The following RGS22 variants were observed in gnomAD, a reference collection of about 807,000 sequenced individuals.
RGS22 encodes the protein regulator of G protein signaling 22, also known as regulator of G-protein signaling 22.
A neutral mutation model predicts 172.9 loss-of-function variants in RGS22; 148 were observed. The observed-to-expected ratio is 0.86, with a 90% CI of 0.75 to 0.98. RGS22 has a LOEUF of 0.98. Ranked by LOEUF, RGS22 falls within the 50% of genes least tolerant of loss-of-function variation. The pLI, the probability that RGS22 is intolerant of heterozygous loss-of-function variation, is 0.00. For synonymous variants in RGS22, 458 were observed against 480.2 expected, an observed-to-expected ratio of 0.95 and a Z score of 0.60; for missense variants, 1,347 against 1,440.8, an observed-to-expected ratio of 0.93 and a Z score of 1.05.
chr8:99,965,254 C>G, intron 24 of RGS22, 81 bp downstream of exon 24: 1 of 876,060 alleles, frequency 1.1e-6, no homozygotes. Context: ...ATTTCTAGTA[C>G]TGTACAATGA....
intron 23 of RGS22, among the ~76,000 whole-genome samples, chr8:99,972,592 G>C (rs1195949328): frequency 6.6e-6 from 1 of 152,064 alleles, no homozygotes; most frequent in East Asian, 1.9e-4. Flanking sequence ...GTGGGCAAAG[G>C]ATATGAACAG....
rs546304724 is a variant in RGS22 at position 100,010,825 on chromosome 8, A to G, written c.2167-2256T>C. On this transcript the variant is annotated intron_variant, in intron 14 of 27. Coordinates refer to ENST00000360863, the MANE Select transcript of RGS22 (RefSeq NM_015668.5). The stretch of plus-strand genomic sequence containing the variant: ...AGATAATTCTTTTTTTTTTTTTTTT[A>G]AAGAGATGGGGTCTTGCTATGTTGC... Among the ~76,000 whole-genome samples, 748 of 147,428 alleles carry G rather than the reference A, an allele frequency of 5.1e-3. 4 individuals carry two copies. Among genetic ancestry groups the G allele is most frequent in the Middle Eastern group, 0.034 (10 of 294 alleles).
chr8:99,962,582 C>A, intron 26 of RGS22, 105 bp downstream of exon 26: 1 of 1,363,568 alleles, frequency 7.3e-7, no homozygotes, highest in South Asian at 1.3e-5. Context: ...GTGGAGGGGT[C>A]GGTCCTCACC....
intron 14 of RGS22, among the ~76,000 whole-genome samples, chr8:100,037,468 G>T (rs1008930018): frequency 6.6e-6 from 1 of 152,066 alleles, no homozygotes; most frequent in African/African-American, 2.4e-5. Flanking sequence ...ATCCAAAAGA[G>T]AACCTAGGAG....
At chr8:100,083,038 G>A (rs1186995842) in intron 3 of RGS22, among the ~76,000 whole-genome samples, 2 of 152,280 alleles carry the variant, frequency 1.3e-5, no homozygotes, top group East Asian at 1.9e-4. Context: ...TAACAAGTAC[G>A]GGCTTTATCT....
intron 15 of RGS22, among the ~76,000 whole-genome samples, chr8:100,006,528 A>G (rs1417997737): frequency 1.3e-5 from 2 of 152,178 alleles, no homozygotes; most frequent in Non-Finnish European, 2.9e-5. Context: ...TTAATGCTGT[A>G]GTAAGAGAGG....
At chr8:100,012,978 ATTTTTTTTTTT>A (rs35339430) in intron 14 of RGS22, among the ~76,000 whole-genome samples, 1 of 88,744 alleles carries the variant, frequency 1.1e-5, no homozygotes, top group African/African-American at 4.4e-5. Context: ...AACGCCTTTG[ATTTTTTTTTTT>A]TTTTTTTTTT....
chr8:99,969,775 A>G (rs867565173), intron 23 of RGS22, among the ~76,000 whole-genome samples: 16 of 152,220 alleles, frequency 1.1e-4, no homozygotes, highest in Middle Eastern at 3.2e-3. Context: ...CTCCCATACG[A>G]TAATACTGGG....
chr8:100,077,635 A>C (rs1346711714), intron 4 of RGS22, among the ~76,000 whole-genome samples: 2 of 152,222 alleles, frequency 1.3e-5, no homozygotes, highest in African/African-American at 4.8e-5. Flanking sequence ...TTTATGGCCC[A>C]AAATGTGGTC....
chr8:100,020,385 C>G (rs1332142596), intron 14 of RGS22, among the ~76,000 whole-genome samples: 3 of 152,198 alleles, frequency 2.0e-5, no homozygotes, highest in African/African-American at 7.2e-5. Context: ...TAAGCTCCTT[C>G]ATGAAGTTCA....
chr8:100,102,265 G>A lies in RGS22; in HGVS notation c.54+3109C>T, dbSNP rs566453158. Among the ~76,000 whole-genome samples the A allele has an allele frequency of 7.9e-5, 12 of 152,270 alleles. No individual in the cohort carries two copies. The East Asian group carries it at 2.3e-3, about 29-fold the overall frequency. ...CAGAGAAGTAGGACACAACACTTCT[G>A]CCTACATCGTATTGGCCAGAATTTG... On this transcript the variant is annotated intron_variant, in intron 2 of 27. Coordinates refer to ENST00000360863, the MANE Select transcript of RGS22 (RefSeq NM_015668.5).
intron 10 of RGS22, chr8:100,050,977 A>G (rs1220511647): frequency 2.6e-5 from 4 of 152,224 alleles, no homozygotes; most frequent in African/African-American, 9.6e-5. Context: ...TAAATATAGT[A>G]AAGCAAAATA....
chr8:100,015,977 T>C (rs1402216414), intron 14 of RGS22, among the ~76,000 whole-genome samples: 4 of 152,230 alleles, frequency 2.6e-5, no homozygotes, highest in Non-Finnish European at 5.9e-5. Context: ...TGTCTTGGCA[T>C]AATTATTAAT....
At chr8:99,986,173 T>G (rs939460500) in intron 21 of RGS22, among the ~76,000 whole-genome samples, 2 of 151,934 alleles carry the variant, frequency 1.3e-5, no homozygotes, top group Admixed American at 1.3e-4. Flanking sequence ...AAGGCTGCAG[T>G]GAGCTGTCAT....
At chr8:100,088,540 G>A (rs537394535) in intron 3 of RGS22, among the ~76,000 whole-genome samples, 1 of 152,210 alleles carries the variant, frequency 6.6e-6, no homozygotes, top group African/African-American at 2.4e-5. Context: ...GACACCAAAT[G>A]AAAACAATAT....
At chr8:100,052,122 T>TAAATATATAAAC (rs1821666824) in intron 10 of RGS22, among the ~76,000 whole-genome samples, 1 of 49,902 alleles carries the variant, frequency 2.0e-5, no homozygotes, top group Non-Finnish European at 3.6e-5. Flanking sequence ...TATATATATT[T>TAAATATATAAAC]ATATATAAAT....
chr8:100,072,021 A>G, intron 5 of RGS22, 124 bp downstream of exon 5: 1 of 616,410 alleles, frequency 1.6e-6, no homozygotes, highest in South Asian at 2.1e-5. Flanking sequence ...ATATAGCAAG[A>G]CCCTGACTCT....
chr8:99,979,906 T>C (rs1812364140), intron 22 of RGS22, among the ~76,000 whole-genome samples: 1 of 151,678 alleles, frequency 6.6e-6, no homozygotes, highest in Non-Finnish European at 1.5e-5. Flanking sequence ...ACAACAGAGG[T>C]AAAAACAAGG....
In RGS22 at chr8:100,039,949, A is replaced by G. The variant is rs536239856; in HGVS notation, c.2064+13T>C. The G allele has an allele frequency of 2.5e-5, 35 of 1,400,864 alleles. No homozygotes were observed. Among genetic ancestry groups the G allele is most frequent in the Non-Finnish European group, 3.2e-5 (34 of 1,065,078 alleles). The allele number at this position is 1,400,864 out of a possible 1,614,324, so 86.8% of individuals were successfully genotyped here. ...AAAATTATAAAATTAAATTTTAAAT[A>G]ATTCTTTTCTACCTTGTTCCCTGAA... On this transcript the variant is annotated intron_variant, in intron 13 of 27. Coordinates refer to ENST00000360863, the MANE Select transcript of RGS22 (RefSeq NM_015668.5).
Sources: gnomAD v4.1 joint callset for allele counts (sites outside exome capture counted in the v4.1 genomes callset) on GRCh38, gnomAD v4.1.1 for gene constraint, MANE v1.5 for transcripts, NCBI Gene and HGNC (gene_info 2026-07-23, HGNC 2026-07-21) for gene names.